The following HORMAD2 variants were observed in gnomAD, a reference collection of about 807,000 sequenced individuals.
The protein encoded by HORMAD2 is HORMA domain-containing protein 2.
A neutral mutation model predicts 38.8 loss-of-function variants in HORMAD2; 45 were observed. The observed-to-expected ratio is 1.16, with a 90% CI of 0.91 to 1.49. The LOEUF is 1.49. Ranked by LOEUF, HORMAD2 falls within the 40% of genes most tolerant of loss-of-function variation. The pLI is 0.00. For synonymous variants in HORMAD2, 126 were observed against 122.8 expected, an observed-to-expected ratio of 1.03 and a Z score of -0.17; for missense variants, 338 against 367.0, an observed-to-expected ratio of 0.92 and a Z score of 0.65.
chr22:30,082,188 G>A (rs1382019388), intron 1 of HORMAD2, among the ~76,000 whole-genome samples: 4 of 152,176 alleles, frequency 2.6e-5, no homozygotes, highest in Admixed American at 6.5e-5. Flanking sequence ...CAACATGCAT[G>A]TGTAAGGAAG....
intron 4 of HORMAD2, 108 bp downstream of exon 4, chr22:30,103,608 C>A: frequency 3.4e-6 from 1 of 290,314 alleles, no homozygotes; most frequent in Non-Finnish European, 6.4e-6. Flanking sequence ...ACCATTTCTT[C>A]TTTTCTACTT....
intron 3 of HORMAD2, among the ~76,000 whole-genome samples, chr22:30,100,504 C>T (rs1359121325): frequency 1.3e-5 from 2 of 152,244 alleles, no homozygotes; most frequent in East Asian, 3.9e-4. Flanking sequence ...CTAGGCAGTA[C>T]CATTCAGGCC....
upstream of HORMAD2, among the ~76,000 whole-genome samples, chr22:30,079,686 T>C (rs979442645): frequency 1.3e-5 from 2 of 151,882 alleles, no homozygotes; most frequent in Non-Finnish European, 2.9e-5. Context: ...TTGTACTTTT[T>C]AAAATTTTTT....
the HORMAD2 span, among the ~76,000 whole-genome samples, chr22:30,188,078 A>T: frequency 7.9e-5 from 12 of 152,192 alleles, no homozygotes; most frequent in South Asian, 2.3e-3. Context: ...CTTTTTTAAA[A>T]AAAACATTTT....
intron 10 of HORMAD2, chr22:30,137,441 TCA>T: frequency 2.8e-6 from 1 of 351,742 alleles, no homozygotes; most frequent in East Asian, 8.0e-5. Context: ...GAGCTGTTGA[TCA>T]CACCACTGCA....
At chr22:30,155,856 T>C (rs1008994233) in intron 10 of HORMAD2, among the ~76,000 whole-genome samples, 16 of 152,346 alleles carry the variant, frequency 1.1e-4, no homozygotes, top group African/African-American at 3.6e-4. Context: ...TTCCCTTAAA[T>C]GTAACCAAAC....
At chr22:30,137,213 A>G in intron 10 of HORMAD2, 2 of 596,490 alleles carry the variant, frequency 3.4e-6, no homozygotes, top group South Asian at 1.5e-5. Context: ...ATCAGCTTGA[A>G]TTTTCTAAAT....
chr22:30,091,228 C>CTCTT (rs1011942805), intron 1 of HORMAD2, among the ~76,000 whole-genome samples: 9 of 148,474 alleles, frequency 6.1e-5, no homozygotes, highest in African/African-American at 2.2e-4. Context: ...CTTTCTTTTT[C>CTCTT]TCTTTCTCTC....
chr22:30,099,916 A>G (rs1213163742), intron 3 of HORMAD2, among the ~76,000 whole-genome samples: 1 of 152,128 alleles, frequency 6.6e-6, no homozygotes, highest in Non-Finnish European at 1.5e-5. Context: ...AAAAACAAAA[A>G]CAAAAAACCC....
intron 5 of HORMAD2, among the ~76,000 whole-genome samples, chr22:30,105,762 T>C (rs910321868): frequency 1.2e-3 from 181 of 152,228 alleles, no homozygotes; most frequent in Non-Finnish European, 1.4e-3. Flanking sequence ...TCTTAAAATA[T>C]TGAAATATTT....
chr22:30,167,221 CT>C (rs1457351057), intron 10 of HORMAD2, among the ~76,000 whole-genome samples: 2 of 152,178 alleles, frequency 1.3e-5, no homozygotes, highest in African/African-American at 4.8e-5. Context: ...TTGCCTCTGT[CT>C]TACAAGGATA....
intron 10 of HORMAD2, among the ~76,000 whole-genome samples, chr22:30,141,246 C>T (rs5763804): frequency 1.3e-5 from 2 of 152,300 alleles, no homozygotes; most frequent in East Asian, 3.9e-4. Flanking sequence ...GATCCACCCA[C>T]CTCGGCCTCC....
At chr22:30,091,573 A>G (rs1379611120) in intron 1 of HORMAD2, among the ~76,000 whole-genome samples, 7 of 151,872 alleles carry the variant, frequency 4.6e-5, no homozygotes, top group Non-Finnish European at 1.0e-4. Context: ...CCTATATTTT[A>G]TTCATGCATT....
intron 10 of HORMAD2, among the ~76,000 whole-genome samples, chr22:30,161,470 T>C (rs765939374): frequency 1.8e-4 from 28 of 152,356 alleles, no homozygotes; most frequent in Non-Finnish European, 3.5e-4. Context: ...CACCATCATG[T>C]CATTGCCTGT....
intron 10 of HORMAD2, among the ~76,000 whole-genome samples, chr22:30,135,710 A>G (rs1405503625): frequency 2.6e-5 from 4 of 152,182 alleles, no homozygotes; most frequent in African/African-American, 7.2e-5. Flanking sequence ...CATTCAATAG[A>G]GACTCCAGAA....
chr22:30,085,807 C>T (rs1375423869), intron 1 of HORMAD2, among the ~76,000 whole-genome samples: 1 of 152,162 alleles, frequency 6.6e-6, no homozygotes, highest in Admixed American at 6.5e-5. Flanking sequence ...ACTGACACAA[C>T]AGCTAGACAC....
chr22:30,097,005 C>T (rs1468297461), intron 2 of HORMAD2, among the ~76,000 whole-genome samples: 1 of 152,054 alleles, frequency 6.6e-6, no homozygotes, highest in Non-Finnish European at 1.5e-5. Context: ...TTAATATAGT[C>T]TAATTTGTTA....
At chr22:30,190,523 G>A in the HORMAD2 span, among the ~76,000 whole-genome samples, 17 of 152,266 alleles carry the variant, frequency 1.1e-4, no homozygotes, top group East Asian at 5.8e-4. Flanking sequence ...TATGCCTCTC[G>A]GCCAAACCCC....
chr22:30,206,111 A>G, the HORMAD2 span, among the ~76,000 whole-genome samples: 1 of 151,862 alleles, frequency 6.6e-6, no homozygotes, highest in African/African-American at 2.4e-5. Flanking sequence ...AGGAGCCATT[A>G]TTCTCACCCC....
Sources: gnomAD v4.1 joint callset for allele counts (sites outside exome capture counted in the v4.1 genomes callset) on GRCh38, gnomAD v4.1.1 for gene constraint, MANE v1.5 for transcripts, NCBI Gene and HGNC (gene_info 2026-07-23, HGNC 2026-07-21) for gene names.